The following MALRD1 variants were observed in gnomAD, a reference collection of about 807,000 sequenced individuals.
MALRD1 encodes the protein MAM and LDL-receptor class A domain-containing protein 1.
Under a neutral mutation model 242.1 loss-of-function variants are expected in MALRD1, and 247 were observed. The observed-to-expected ratio is 1.02, with a 90% CI of 0.92 to 1.13. The LOEUF (loss-of-function observed/expected upper bound fraction) is 1.13. MALRD1 is among the 50% of genes most tolerant of loss of function. The pLI is 0.00. For missense variants in MALRD1, 2,989 were observed against 2,533.1 expected, an observed-to-expected ratio of 1.18 and a Z score of -3.86; for synonymous variants, 995 against 866.6, an observed-to-expected ratio of 1.15 and a Z score of -2.60.
intron 33 of MALRD1, 75 bp downstream of exon 33, chr10:19,567,778 C>A: frequency 7.8e-7 from 1 of 1,274,328 alleles, no homozygotes; most frequent in Non-Finnish European, 1.1e-6. Flanking sequence ...TTGGGAATTT[C>A]TGAGGAATTA....
At chr10:19,123,414 A>G in intron 5 of MALRD1, 78 bp from the exon 6 acceptor site, 2 of 792,442 alleles carry the variant, frequency 2.5e-6, no homozygotes, top group South Asian at 1.3e-4. Context: ...TAGAATGAAT[A>G]TTAACATTAA....
intron 32 of MALRD1, among the ~76,000 whole-genome samples, chr10:19,536,231 T>G (rs1287159341): frequency 1.3e-5 from 2 of 152,182 alleles, no homozygotes; most frequent in African/African-American, 4.8e-5. Flanking sequence ...CTCCTCTATC[T>G]TCCTATTTTG....
At chr10:19,071,024 G>A (rs1293971952) in intron 2 of MALRD1, among the ~76,000 whole-genome samples, 1 of 151,358 alleles carries the variant, frequency 6.6e-6, no homozygotes, top group African/African-American at 2.4e-5. Context: ...GCTAATTTTT[G>A]TACTTTTAGT....
chr10:19,240,951 C>G (rs1156470315), intron 18 of MALRD1, among the ~76,000 whole-genome samples: 6 of 151,964 alleles, frequency 3.9e-5, no homozygotes, highest in Non-Finnish European at 8.8e-5. Context: ...AGTGTGCTGT[C>G]GAAGTCAGTT....
chr10:19,297,410 A>G (rs920795934), intron 21 of MALRD1, among the ~76,000 whole-genome samples: 2 of 151,966 alleles, frequency 1.3e-5, no homozygotes, highest in East Asian at 3.9e-4. Flanking sequence ...TTAGGTAACT[A>G]AAAAAATATT....
intron 31 of MALRD1, among the ~76,000 whole-genome samples, chr10:19,522,211 G>A (rs59402847): frequency 0.21 from 31,372 of 151,828 alleles, 4,996 homozygotes; most frequent in African/African-American, 0.45. Flanking sequence ...TAATTCTTAT[G>A]TTCTTCTTCT....
At chr10:19,192,443 A>T (rs1312434833) in intron 14 of MALRD1, among the ~76,000 whole-genome samples, 1 of 152,230 alleles carries the variant, frequency 6.6e-6, no homozygotes, top group African/African-American at 2.4e-5. Flanking sequence ...AAGGAGCCAC[A>T]TGAAAAGATA....
chr10:19,261,794 CT>C (rs1839762487), intron 19 of MALRD1, among the ~76,000 whole-genome samples: 1 of 151,576 alleles, frequency 6.6e-6, no homozygotes, highest in Non-Finnish European at 1.5e-5. Flanking sequence ...TCGTGCCTGC[CT>C]TGTAATTTTA....
At chr10:19,388,911 C>T (rs899713050) in intron 27 of MALRD1, among the ~76,000 whole-genome samples, 40 of 148,862 alleles carry the variant, frequency 2.7e-4, no homozygotes, top group African/African-American at 9.3e-4. Context: ...AAAAACTGAC[C>T]AAGGCAGGGA....
intron 27 of MALRD1, 117 bp downstream of exon 27, chr10:19,387,890 C>T (rs563973733): frequency 3.0e-5 from 39 of 1,285,890 alleles, no homozygotes; most frequent in South Asian, 3.0e-4. Flanking sequence ...TATTGCAAGG[C>T]GATCAAACAT....
chr10:19,109,449 G>A (rs1243166174), intron 5 of MALRD1, among the ~76,000 whole-genome samples: 2 of 152,170 alleles, frequency 1.3e-5, no homozygotes, highest in Admixed American at 6.5e-5. Context: ...GACCTCCCTG[G>A]TTGGCAAGAT....
chr10:19,530,563 T>C (rs1457347481), intron 31 of MALRD1, among the ~76,000 whole-genome samples: 2 of 147,864 alleles, frequency 1.4e-5, no homozygotes, highest in South Asian at 2.1e-4. Flanking sequence ...CACACACACA[T>C]ATATATATTT....
chr10:19,249,482 C>G (rs1004703437), intron 18 of MALRD1, among the ~76,000 whole-genome samples: 4 of 151,692 alleles, frequency 2.6e-5, no homozygotes, highest in Admixed American at 2.6e-4. Flanking sequence ...GTAACACCAA[C>G]AGTTTTAGTT....
chr10:19,083,425 TA>T (rs1158779363), intron 2 of MALRD1, among the ~76,000 whole-genome samples: 2 of 152,018 alleles, frequency 1.3e-5, no homozygotes, highest in African/African-American at 2.4e-5. Flanking sequence ...TGGAACTTTT[TA>T]AACTCCCTAT....
At chr10:19,295,223 A>AT (rs1215940047) in intron 21 of MALRD1, among the ~76,000 whole-genome samples, 2 of 152,070 alleles carry the variant, frequency 1.3e-5, no homozygotes, top group Non-Finnish European at 2.9e-5. Context: ...ATTATTACAA[A>AT]TTATTATTCG....
At chr10:19,123,669 G>A (rs1038748540) in intron 6 of MALRD1, 76 bp downstream of exon 6, 2 of 823,772 alleles carry the variant, frequency 2.4e-6, no homozygotes, top group African/African-American at 3.5e-5. Context: ...ACAGGAAAGT[G>A]CACGCGCCAA....
At chr10:19,166,167 C>T (rs1834677797) in intron 13 of MALRD1, among the ~76,000 whole-genome samples, 1 of 152,170 alleles carries the variant, frequency 6.6e-6, no homozygotes, top group Non-Finnish European at 1.5e-5. Context: ...AAAATCATTT[C>T]TAAGTGAAGA....
At chr10:19,326,394 G>T (rs1268942485) in intron 22 of MALRD1, among the ~76,000 whole-genome samples, 1 of 151,956 alleles carries the variant, frequency 6.6e-6, no homozygotes, top group Non-Finnish European at 1.5e-5. Flanking sequence ...TGAATAAAAT[G>T]ATATCAATGC....
chr10:19,366,564 A>G (rs1845121225), intron 26 of MALRD1, among the ~76,000 whole-genome samples: 1 of 152,122 alleles, frequency 6.6e-6, no homozygotes, highest in Admixed American at 6.6e-5. Flanking sequence ...ATCTCAACAT[A>G]ATATTTTTGT....
Sources: allele counts gnomAD v4.1 joint callset (sites outside exome capture counted in the v4.1 genomes callset), GRCh38; gene constraint gnomAD v4.1.1; transcripts MANE v1.5; gene names NCBI Gene and HGNC (gene_info 2026-07-23, HGNC 2026-07-21).